The following DCAF8L2 variants were observed in gnomAD, a reference collection of about 807,000 sequenced individuals.
The protein encoded by DCAF8L2 is DDB1 and CUL4 associated factor 8 like 2, also known as DDB1- and CUL4-associated factor 8-like protein 2.
For synonymous variants in DCAF8L2, 200 were observed against 190.9 expected (o/e 1.05, Z -0.39); for missense variants, 430 against 490.7 (o/e 0.88, Z 1.17).
At chrX:27,733,720 AG>A (rs1921360243) in intron 4 of DCAF8L2, among the ~76,000 whole-genome samples, 1 of 111,273 alleles carries the variant, frequency 9.0e-6, no homozygotes, top group South Asian at 3.8e-4. Context: ...GTATAAGATA[AG>A]GGTTCAATTT....
chrX:27,586,502 A>C (rs772113740), upstream of DCAF8L2, among the ~76,000 whole-genome samples: 1 of 111,302 alleles, frequency 9.0e-6, no homozygotes, highest in South Asian at 3.8e-4. Flanking sequence ...TCACTCCTCT[A>C]TTATCCACTG....
At chrX:27,634,036 C>T (rs1928398506) in intron 2 of DCAF8L2, among the ~76,000 whole-genome samples, 1 of 111,495 alleles carries the variant, frequency 9.0e-6, no homozygotes. Flanking sequence ...TGAATATAAA[C>T]TGTTCGAGGA....
chrX:27,533,260 G>T, the DCAF8L2 span, among the ~76,000 whole-genome samples: 1 of 103,427 alleles, frequency 9.7e-6, no homozygotes, highest in Non-Finnish European at 2.0e-5. Context: ...AAGAAAGAAA[G>T]TCAAGCCTGG....
At chrX:27,517,676 G>A in the DCAF8L2 span, 4 of 686,852 alleles carry the variant, frequency 5.8e-6, no homozygotes, top group Non-Finnish European at 7.0e-6. Context: ...CTTTGGCGAG[G>A]TGGGATGCAT....
intron 1 of DCAF8L2, among the ~76,000 whole-genome samples, chrX:27,604,911 A>G (rs777524103): frequency 6.2e-5 from 7 of 112,209 alleles, no homozygotes; most frequent in African/African-American, 2.3e-4. Context: ...AGGTAAAGAT[A>G]TATTTTTCTT....
rs1367554425 is a variant in DCAF8L2 at position 27,612,360 on chromosome X, G to T, written c.-341-19519G>T. Among the ~76,000 whole-genome samples the T allele has an allele frequency of 5.4e-5, 6 of 111,573 alleles. 1 individual carries two copies. In the Admixed American group the frequency reaches 5.7e-4, roughly 11 times the overall value. ...CTGGATATTAGCCCTTTGTCAGATG[G>T]GTAGATTGCAAAAATGTTCTCCCGT... On this transcript the variant is annotated intron_variant, in intron 1 of 4. Transcript: ENST00000451261.
At chrX:27,651,808 C>A (rs1185398788) in intron 2 of DCAF8L2, among the ~76,000 whole-genome samples, 1 of 110,931 alleles carries the variant, frequency 9.0e-6, no homozygotes, top group African/African-American at 3.3e-5. Flanking sequence ...CCACGCCTGG[C>A]AGATAATCTT....
intron 2 of DCAF8L2, chrX:27,633,421 T>C (rs1350141766): frequency 8.9e-6 from 1 of 112,241 alleles, no homozygotes; most frequent in Non-Finnish European, 1.9e-5. Context: ...CCAGTCAAAC[T>C]AGTTGAAACT....
the DCAF8L2 span, among the ~76,000 whole-genome samples, chrX:27,516,763 A>T: frequency 8.9e-6 from 1 of 112,108 alleles, no homozygotes; most frequent in Non-Finnish European, 1.9e-5. Context: ...TTGAACAACC[A>T]GTCATCAGAG....
chrX:27,590,937 C>A (rs1926041142), intron 1 of DCAF8L2, among the ~76,000 whole-genome samples: 1 of 100,151 alleles, frequency 1.0e-5, no homozygotes, highest in South Asian at 5.1e-4. Context: ...AGCCACCACA[C>A]TTTGCCAGCA....
At chrX:27,724,423 A>T (rs1476317513) in intron 4 of DCAF8L2, among the ~76,000 whole-genome samples, 1 of 110,880 alleles carries the variant, frequency 9.0e-6, no homozygotes, top group Non-Finnish European at 1.9e-5. Context: ...GTGGGGGAAC[A>T]GTATCCCTTG....
chrX:27,663,864 ATTTTTTTT>A (rs80069253), intron 2 of DCAF8L2, among the ~76,000 whole-genome samples: 3 of 69,009 alleles, frequency 4.3e-5, no homozygotes, highest in African/African-American at 5.7e-5. Context: ...CACCTGGCTA[ATTTTTTTT>A]TTTTTTTTTT....
the DCAF8L2 span, among the ~76,000 whole-genome samples, chrX:27,522,409 AC>A: frequency 8.9e-6 from 1 of 111,746 alleles, no homozygotes; most frequent in Non-Finnish European, 1.9e-5. Context: ...ATTTTGTCAT[AC>A]TTTATTGCTC....
chrX:27,579,877 T>A, the DCAF8L2 span, among the ~76,000 whole-genome samples: 1 of 109,217 alleles, frequency 9.2e-6, no homozygotes, highest in Non-Finnish European at 1.9e-5. Flanking sequence ...AATTTTTCTT[T>A]TAATATAGTT....
intron 2 of DCAF8L2, among the ~76,000 whole-genome samples, chrX:27,636,815 T>A (rs942570643): frequency 4.5e-5 from 5 of 112,126 alleles, no homozygotes; most frequent in African/African-American, 1.6e-4. Context: ...CTGCTGCCAC[T>A]GTCCACAATC....
At chrX:27,575,124 G>A in the DCAF8L2 span, among the ~76,000 whole-genome samples, 3 of 111,505 alleles carry the variant, frequency 2.7e-5, no homozygotes, top group South Asian at 3.8e-4. Context: ...GGCACTCGAC[G>A]GCCCCGGCTC....
chrX:27,696,294 G>GA (rs1209376660), intron 3 of DCAF8L2, among the ~76,000 whole-genome samples: 4 of 80,619 alleles, frequency 5.0e-5, no homozygotes, highest in Non-Finnish European at 9.4e-5. Flanking sequence ...AAGAAAGAAA[G>GA]AAAGAAAGAA....
intron 3 of DCAF8L2, among the ~76,000 whole-genome samples, chrX:27,714,474 TC>T (rs1462316898): frequency 1.8e-5 from 2 of 111,615 alleles, no homozygotes; most frequent in Non-Finnish European, 3.8e-5. Flanking sequence ...GCAATTTCTT[TC>T]CCAGCCATTT....
chrX:27,499,518 G>T, the DCAF8L2 span, among the ~76,000 whole-genome samples: 2 of 111,825 alleles, frequency 1.8e-5, no homozygotes, highest in African/African-American at 6.5e-5. Context: ...AACTACTTGA[G>T]ACTGGGTAAT....
Sources: gnomAD v4.1 joint callset for allele counts (sites outside exome capture counted in the v4.1 genomes callset) on GRCh38, gnomAD v4.1.1 for gene constraint, MANE v1.5 for transcripts, NCBI Gene and HGNC (gene_info 2026-07-23, HGNC 2026-07-21) for gene names.